GCNT2: variants seen among roughly 807,000 people sequenced by gnomAD.
The protein encoded by GCNT2 is N-acetyllactosaminide beta-1,6-N-acetylglucosaminyl-transferase.
A neutral mutation model predicts 34.2 loss-of-function variants in GCNT2; 34 were observed. The observed-to-expected ratio is 1.00, with a 90% CI of 0.76 to 1.32. The LOEUF (loss-of-function observed/expected upper bound fraction) is 1.32. GCNT2 is among the 40% of genes most tolerant of loss of function. GCNT2 has a pLI of 0.00. For missense variants in GCNT2, 584 were observed against 489.4 expected (o/e 1.19, Z -1.82); for synonymous variants, 212 against 188.0 (o/e 1.13, Z -1.04).
intron 3 of GCNT2, among the ~76,000 whole-genome samples, chr6:10,534,175 T>C (rs1561782047): frequency 6.8e-6 from 1 of 147,090 alleles, no homozygotes; most frequent in Non-Finnish European, 1.5e-5. Context: ...GGAGTCTCGC[T>C]CTGTCACCCA....
chr6:10,529,466 G>A lies in GCNT2; in HGVS notation c.555G>A (p.Lys185=). ...EDLVASEVPW[K]YVINTCGQDF... ...TTGTGGCCTCTGAAGTTCCCTGGAAGTATGTCATCAACACCTGCGGGCAAG... is the reference window on the plus strand; with the variant it reads ...TTGTGGCCTCTGAAGTTCCCTGGAAATATGTCATCAACACCTGCGGGCAAG... Residue 185 remains lysine (K), a synonymous_variant, in exon 3 of 5, where the codon AAG becomes AAA. Transcript: ENST00000495262. 6.2e-7 allele frequency: 1 copy of A among 1,614,098 alleles called. No homozygotes were observed. Among genetic ancestry groups the A allele is most frequent in the Non-Finnish European group, 8.5e-7 (1 of 1,180,006 alleles).
chr6:10,548,653 C>A (rs1309765124), intron 3 of GCNT2, among the ~76,000 whole-genome samples: 2 of 152,282 alleles, frequency 1.3e-5, no homozygotes, highest in African/African-American at 4.8e-5. Context: ...TTTTTTCTAT[C>A]TGGCTTGCTT....
intron 3 of GCNT2, among the ~76,000 whole-genome samples, chr6:10,597,369 G>A (rs747275062): frequency 4.0e-5 from 6 of 151,806 alleles, no homozygotes; most frequent in Non-Finnish European, 7.4e-5. Context: ...TGCCCAGGCT[G>A]GTGTCAAACT....
chr6:10,590,938 C>T (rs1236085444), intron 3 of GCNT2, among the ~76,000 whole-genome samples: 5 of 152,098 alleles, frequency 3.3e-5, no homozygotes, highest in Non-Finnish European at 7.3e-5. Flanking sequence ...CTGTCTAACT[C>T]TTCATCCTTT....
chr6:10,569,611 T>G (rs942241330), intron 3 of GCNT2, among the ~76,000 whole-genome samples: 10 of 152,250 alleles, frequency 6.6e-5, no homozygotes, highest in African/African-American at 2.4e-4. Context: ...CTTCTCATGC[T>G]GAGCCCAGCC....
chr6:10,586,989 T>G, intron 3 of GCNT2: 1 of 1,036,042 alleles, frequency 9.7e-7, no homozygotes, highest in Non-Finnish European at 1.5e-6. Context: ...CTGACTCATT[T>G]GAAATTATTA....
chr6:10,555,303 A>G (rs941894895), intron 3 of GCNT2, among the ~76,000 whole-genome samples: 3 of 152,144 alleles, frequency 2.0e-5, no homozygotes, highest in African/African-American at 7.2e-5. Context: ...TGGAAAGTTG[A>G]AGATGAGAAC....
chr6:10,528,565 T>C (rs1029145532), intron 2 of GCNT2, 66 bp from the exon 3 acceptor site: 2 of 357,056 alleles, frequency 5.6e-6, no homozygotes, highest in African/African-American at 4.2e-5. Flanking sequence ...CACTTGTAAT[T>C]TCATGGTGGG....
At chr6:10,623,581 C>T (rs1260571744) in intron 4 of GCNT2, among the ~76,000 whole-genome samples, 1 of 152,180 alleles carries the variant, frequency 6.6e-6, no homozygotes. Flanking sequence ...TGAGCCACCG[C>T]ACCCGGCCTG....
intron 3 of GCNT2, among the ~76,000 whole-genome samples, chr6:10,602,998 A>T (rs927251643): frequency 2.6e-5 from 4 of 152,222 alleles, no homozygotes; most frequent in Non-Finnish European, 5.9e-5. Flanking sequence ...CTGAAATGCA[A>T]AATACCTAGG....
intron 3 of GCNT2, among the ~76,000 whole-genome samples, chr6:10,534,139 C>CTTTTTTTTTTTTTTTTGTTTTTTTTTTTT: frequency 8.1e-6 from 1 of 123,230 alleles, no homozygotes; most frequent in Non-Finnish European, 1.7e-5. Flanking sequence ...TTCCATGCTG[C>CTTTTTTTTTTTTTTTTGTTTTTTTTTTTT]TCTTTTTTTT....
chr6:10,557,060 A>G (rs773805726), intron 3 of GCNT2: 9 of 1,608,192 alleles, frequency 5.6e-6, no homozygotes, highest in African/African-American at 1.3e-5. Flanking sequence ...AGGTAAAAAT[A>G]TCACCCCAGG....
intron 3 of GCNT2, among the ~76,000 whole-genome samples, chr6:10,569,331 C>T (rs1177049182): frequency 6.7e-6 from 1 of 150,090 alleles, no homozygotes; most frequent in Non-Finnish European, 1.5e-5. Context: ...ATCTTTCAGC[C>T]ATGTTTTCTG....
At chr6:10,524,389 T>G (rs909218354) in intron 1 of GCNT2, among the ~76,000 whole-genome samples, 1 of 151,818 alleles carries the variant, frequency 6.6e-6, no homozygotes, top group African/African-American at 2.4e-5. Context: ...GTAGCTGGAA[T>G]TAACAGGCAT....
intron 3 of GCNT2, among the ~76,000 whole-genome samples, chr6:10,565,507 T>A (rs1384714206): frequency 1.3e-5 from 2 of 152,128 alleles, no homozygotes; most frequent in Non-Finnish European, 2.9e-5. Context: ...ACCTGCAGAT[T>A]AGCTCCCCGC....
intron 3 of GCNT2, among the ~76,000 whole-genome samples, chr6:10,601,134 C>A (rs895378043): frequency 1.3e-5 from 2 of 152,014 alleles, no homozygotes; most frequent in African/African-American, 2.4e-5. Context: ...TTCCTTTTGC[C>A]CTGCTTTTCT....
intron 3 of GCNT2, chr6:10,555,949 AG>A: frequency 9.8e-7 from 1 of 1,018,222 alleles, no homozygotes; most frequent in South Asian, 4.0e-5. Context: ...GCCGCCTGCT[AG>A]GGGACTAGCA....
At chr6:10,558,456 C>T (rs1029558469) in intron 3 of GCNT2, among the ~76,000 whole-genome samples, 7 of 152,136 alleles carry the variant, frequency 4.6e-5, no homozygotes, top group Non-Finnish European at 8.8e-5. Flanking sequence ...TAATGAGATC[C>T]TAGCAGAAAC....
intron 3 of GCNT2, among the ~76,000 whole-genome samples, chr6:10,590,657 G>T (rs1432493534): frequency 2.0e-5 from 3 of 151,484 alleles, no homozygotes; most frequent in Admixed American, 6.6e-5. Context: ...AGGTTCAAGC[G>T]ATTCTCCTGC....
Sources: allele counts gnomAD v4.1 joint callset (sites outside exome capture counted in the v4.1 genomes callset), GRCh38; gene constraint gnomAD v4.1.1; transcripts MANE v1.5; gene names NCBI Gene and HGNC (gene_info 2026-07-23, HGNC 2026-07-21).